The following WWOX variants were observed in gnomAD, a reference collection of about 807,000 sequenced individuals.
WWOX encodes the protein WW domain containing oxidoreductase.
Under a neutral mutation model 46.2 loss-of-function variants are expected in WWOX, and 69 were observed. That is an observed-to-expected ratio of 1.49 (90% CI 1.23 to 1.82). The LOEUF (loss-of-function observed/expected upper bound fraction) is 1.82, where lower values mean the gene tolerates loss of function less well. Ranked by LOEUF, WWOX falls within the 40% of genes most tolerant of loss-of-function variation. WWOX has a pLI of 0.00. For synonymous variants in WWOX, 359 were observed against 202.6 expected, an observed-to-expected ratio of 1.77 and a Z score of -6.56; for missense variants, 919 against 542.6, an observed-to-expected ratio of 1.69 and a Z score of -6.89.
intron 5 of WWOX, among the ~76,000 whole-genome samples, chr16:78,287,232 G>C (rs183644499): frequency 6.6e-6 from 1 of 152,176 alleles, no homozygotes. Flanking sequence ...TAACTTTTTT[G>C]TTGTTGTTGT....
At chr16:78,682,945 T>A (rs2047764303) in intron 8 of WWOX, among the ~76,000 whole-genome samples, 1 of 152,252 alleles carries the variant, frequency 6.6e-6, no homozygotes, top group Admixed American at 6.5e-5. Flanking sequence ...AGTGAGTGAT[T>A]TCCCCGCGTA....
At chr16:78,189,065 T>C (rs2035799323) in intron 5 of WWOX, among the ~76,000 whole-genome samples, 1 of 152,150 alleles carries the variant, frequency 6.6e-6, no homozygotes, top group Non-Finnish European at 1.5e-5. Context: ...TTGAAGCTGG[T>C]GTTTGATTCA....
At chr16:78,146,728 C>G (rs908186240) in intron 4 of WWOX, among the ~76,000 whole-genome samples, 14 of 152,262 alleles carry the variant, frequency 9.2e-5, no homozygotes, top group African/African-American at 3.1e-4. Context: ...TGGAGAATTT[C>G]TTTTACCAAT....
At chr16:78,824,666 G>A (rs758940332) in intron 8 of WWOX, among the ~76,000 whole-genome samples, 2 of 152,180 alleles carry the variant, frequency 1.3e-5, no homozygotes, top group African/African-American at 2.4e-5. Context: ...AGAAGCGCAC[G>A]TGAGAACCCC....
intron 8 of WWOX, among the ~76,000 whole-genome samples, chr16:78,916,339 C>T (rs1219536926): frequency 6.6e-6 from 1 of 152,172 alleles, no homozygotes; most frequent in Non-Finnish European, 1.5e-5. Flanking sequence ...TAATACCATG[C>T]TTTCAAGAAG....
At chr16:78,309,775 G>A (rs976931905) in intron 5 of WWOX, among the ~76,000 whole-genome samples, 1 of 152,172 alleles carries the variant, frequency 6.6e-6, no homozygotes, top group African/African-American at 2.4e-5. Context: ...AAGGATGATG[G>A]GAGATGTGCA....
chr16:78,109,538 A>G (rs1320217902), intron 2 of WWOX, among the ~76,000 whole-genome samples: 1 of 152,216 alleles, frequency 6.6e-6, no homozygotes, highest in Non-Finnish European at 1.5e-5. Flanking sequence ...TTATAGAGCG[A>G]TCAGGAATAA....
At chr16:78,308,581 C>T (rs185103800) in intron 5 of WWOX, among the ~76,000 whole-genome samples, 18 of 152,260 alleles carry the variant, frequency 1.2e-4, no homozygotes, top group Admixed American at 2.0e-4. Context: ...TGGTATATTT[C>T]GAAATGGCCC....
chr16:78,356,692 C>T (rs868214947), intron 5 of WWOX, among the ~76,000 whole-genome samples: 1 of 152,102 alleles, frequency 6.6e-6, no homozygotes, highest in African/African-American at 2.4e-5. Context: ...ACCAGCCTGG[C>T]CAGCATGGTG....
intron 8 of WWOX, among the ~76,000 whole-genome samples, chr16:79,080,770 C>A (rs867666961): frequency 6.6e-6 from 1 of 152,134 alleles, no homozygotes; most frequent in Non-Finnish European, 1.5e-5. Flanking sequence ...AGTTTGAGAC[C>A]AGCCCGGGCA....
At chr16:79,070,324 G>T (rs2048526257) in intron 8 of WWOX, among the ~76,000 whole-genome samples, 1 of 150,148 alleles carries the variant, frequency 6.7e-6, no homozygotes, top group Non-Finnish European at 1.5e-5. Context: ...GAAACCAACT[G>T]GGAAGGGCCC....
chr16:78,300,377 C>T (rs983053704), intron 5 of WWOX, among the ~76,000 whole-genome samples: 5 of 152,228 alleles, frequency 3.3e-5, no homozygotes, highest in Admixed American at 1.3e-4. Flanking sequence ...CGAAAGCTAG[C>T]GTGAAGTGGA....
intron 8 of WWOX, among the ~76,000 whole-genome samples, chr16:78,955,609 ATTTTT>A (rs199917633): frequency 6.6e-5 from 10 of 151,546 alleles, no homozygotes; most frequent in Middle Eastern, 3.4e-3. Flanking sequence ...TATTTTTTAT[ATTTTT>A]TTTATTTTCT....
At chr16:79,114,547 A>T (rs2049476276) in intron 8 of WWOX, among the ~76,000 whole-genome samples, 1 of 151,910 alleles carries the variant, frequency 6.6e-6, no homozygotes, top group Non-Finnish European at 1.5e-5. Flanking sequence ...CACCACCAGG[A>T]GCTGGAAGTG....
chr16:79,172,950 C>T (rs759745226), intron 8 of WWOX, among the ~76,000 whole-genome samples: 8 of 152,124 alleles, frequency 5.3e-5, no homozygotes, highest in South Asian at 2.1e-4. Flanking sequence ...GAGCCTGGGA[C>T]GTCAAGGCTG....
chr16:78,393,774 C>G (rs1452359873), intron 6 of WWOX, among the ~76,000 whole-genome samples: 3 of 151,818 alleles, frequency 2.0e-5, no homozygotes. Context: ...CTTTCTGTCA[C>G]CGGTATAATT....
chr16:78,475,148 C>G (rs1016187626), intron 8 of WWOX, among the ~76,000 whole-genome samples: 1 of 152,260 alleles, frequency 6.6e-6, no homozygotes. Context: ...TAGGGACATG[C>G]AAAACAAAGG....
intron 8 of WWOX, among the ~76,000 whole-genome samples, chr16:78,448,074 G>T (rs2151406251): frequency 6.6e-6 from 1 of 152,260 alleles, no homozygotes; most frequent in East Asian, 1.9e-4. Context: ...GATGTGTTGG[G>T]ATTACAGGTG....
intron 4 of WWOX, among the ~76,000 whole-genome samples, chr16:78,130,878 G>C (rs1011317104): frequency 6.6e-6 from 1 of 152,208 alleles, no homozygotes; most frequent in South Asian, 2.1e-4. Flanking sequence ...TATGATCTGA[G>C]AAGTGTGTCA....
Sources: allele counts gnomAD v4.1 joint callset (sites outside exome capture counted in the v4.1 genomes callset), GRCh38; gene constraint gnomAD v4.1.1; transcripts MANE v1.5; gene names NCBI Gene and HGNC (gene_info 2026-07-23, HGNC 2026-07-21).